SUPT3H: variants seen among roughly 807,000 people sequenced by gnomAD.
SUPT3H encodes the protein SPT3 homolog, SAGA and STAGA complex component.
In SUPT3H, 44 loss-of-function variants were observed where a neutral mutation model predicts 44.3. The observed-to-expected ratio is 0.99, with a 90% CI of 0.78 to 1.28. The LOEUF (loss-of-function observed/expected upper bound fraction) is 1.28. SUPT3H is among the 50% of genes most tolerant of loss of function. The pLI is 0.00. For missense variants in SUPT3H, 380 were observed against 387.1 expected, an observed-to-expected ratio of 0.98 and a Z score of 0.15; for synonymous variants, 124 against 125.6, an observed-to-expected ratio of 0.99 and a Z score of 0.09.
At chr6:45,074,042 T>C (rs1356327475) in intron 3 of SUPT3H, among the ~76,000 whole-genome samples, 2 of 151,946 alleles carry the variant, frequency 1.3e-5, no homozygotes, top group African/African-American at 4.8e-5. Flanking sequence ...GCAATTAAAT[T>C]AAAGGAGGAA....
At chr6:44,955,106 G>A (rs2153474547) in intron 7 of SUPT3H, 1 of 158,164 alleles carries the variant, frequency 6.3e-6, no homozygotes, top group East Asian at 1.9e-4. Context: ...CACATAGCAG[G>A]CAGGATTAAC....
chr6:45,345,444 T>C (rs920886441), intron 2 of SUPT3H, among the ~76,000 whole-genome samples: 1 of 152,132 alleles, frequency 6.6e-6, no homozygotes, highest in African/African-American at 2.4e-5. Flanking sequence ...TTTAGTATTA[T>C]AAATAATTAT....
At chr6:45,064,311 G>A (rs376451156) in intron 3 of SUPT3H, among the ~76,000 whole-genome samples, 209 of 144,248 alleles carry the variant, frequency 1.4e-3, no homozygotes, top group East Asian at 8.5e-3. Flanking sequence ...TGAAGGAAGC[G>A]CTAAACATGG....
intron 2 of SUPT3H, among the ~76,000 whole-genome samples, chr6:45,184,737 T>C (rs756880745): frequency 1.2e-4 from 16 of 133,242 alleles, no homozygotes; most frequent in Non-Finnish European, 2.5e-4. Context: ...AACAGGGTGA[T>C]AGAGAAGACT....
chr6:45,205,637 A>C (rs1763110649), intron 2 of SUPT3H, among the ~76,000 whole-genome samples: 1 of 152,038 alleles, frequency 6.6e-6, no homozygotes, highest in African/African-American at 2.4e-5. Flanking sequence ...TCTCTACTAA[A>C]AATACAAAAA....
At chr6:44,847,217 T>G (rs1772027235) in intron 10 of SUPT3H, among the ~76,000 whole-genome samples, 1 of 152,212 alleles carries the variant, frequency 6.6e-6, no homozygotes, top group Non-Finnish European at 1.5e-5. Context: ...TTCCAATTGC[T>G]GATACAGTTA....
intron 3 of SUPT3H, among the ~76,000 whole-genome samples, chr6:45,092,512 G>C (rs191160387): frequency 6.6e-6 from 1 of 152,096 alleles, no homozygotes; most frequent in African/African-American, 2.4e-5. Flanking sequence ...GCATTTGGGA[G>C]GCTGAGGCGG....
chr6:45,327,213 G>C (rs866087493), intron 2 of SUPT3H, among the ~76,000 whole-genome samples: 2 of 152,052 alleles, frequency 1.3e-5, no homozygotes, highest in Middle Eastern at 3.4e-3. Flanking sequence ...TACTCTGTCT[G>C]TGGGCATTAT....
chr6:45,119,263 C>CT (rs1354089964), intron 2 of SUPT3H, among the ~76,000 whole-genome samples: 2 of 152,158 alleles, frequency 1.3e-5, no homozygotes, highest in African/African-American at 4.8e-5. Context: ...CATAGTCATA[C>CT]TTTTACATGA....
chr6:45,126,048 C>T lies in SUPT3H; in HGVS notation c.102-20042G>A, dbSNP rs115772641. Among the ~76,000 whole-genome samples the T allele has an allele frequency of 5.5e-3, 830 of 152,252 alleles. 12 individuals are homozygous for T. Among genetic ancestry groups the T allele is most frequent in the African/African-American group, 0.019 (773 of 41,542 alleles). ...TGAACCAACAAGCTTCTGCATGTCT[C>T]TGAACTCAGATTTGTGCATTTCAAT... is the stretch of plus-strand genomic sequence containing the variant. On this transcript the variant is annotated intron_variant, in intron 2 of 10. Transcript: ENST00000371459.
chr6:44,886,137 T>C (rs1259173629), intron 10 of SUPT3H, among the ~76,000 whole-genome samples: 2 of 152,204 alleles, frequency 1.3e-5, no homozygotes, highest in East Asian at 3.8e-4. Flanking sequence ...AATCTGAGTC[T>C]GATTGGTGTT....
At chr6:45,282,371 CA>C (rs1778295972) in intron 2 of SUPT3H, among the ~76,000 whole-genome samples, 1 of 151,924 alleles carries the variant, frequency 6.6e-6, no homozygotes, top group African/African-American at 2.4e-5. Flanking sequence ...CTAGAATAAC[CA>C]ATGCAGAGAA....
chr6:45,191,576 A>C (rs190700794), intron 2 of SUPT3H, among the ~76,000 whole-genome samples: 1 of 152,244 alleles, frequency 6.6e-6, no homozygotes, highest in East Asian at 1.9e-4. Flanking sequence ...TAATAATAAC[A>C]TATCAATATT....
chr6:44,852,381 A>C (rs906321367), intron 10 of SUPT3H, among the ~76,000 whole-genome samples: 3 of 152,194 alleles, frequency 2.0e-5, no homozygotes, highest in African/African-American at 4.8e-5. Context: ...TAGAGCTGTG[A>C]ACATATAATA....
chr6:44,851,120 C>A (rs1431254564), intron 10 of SUPT3H, among the ~76,000 whole-genome samples: 1 of 151,972 alleles, frequency 6.6e-6, no homozygotes, highest in African/African-American at 2.4e-5. Context: ...TGTGTAGAGA[C>A]CACAGGAAGG....
At chr6:45,292,225 GACAA>G (rs1780423762) in intron 2 of SUPT3H, among the ~76,000 whole-genome samples, 1 of 151,998 alleles carries the variant, frequency 6.6e-6, no homozygotes, top group South Asian at 2.1e-4. Flanking sequence ...GTCTTTTTCA[GACAA>G]ACAAATGCCG....
intron 2 of SUPT3H, among the ~76,000 whole-genome samples, chr6:45,253,831 A>C (rs112383778): frequency 3.3e-4 from 44 of 132,884 alleles, no homozygotes; most frequent in African/African-American, 1.1e-3. Flanking sequence ...GAAAAAATAC[A>C]CACGTACACA....
At chr6:45,291,390 T>C (rs919535306) in intron 2 of SUPT3H, among the ~76,000 whole-genome samples, 8 of 152,022 alleles carry the variant, frequency 5.3e-5, no homozygotes. Flanking sequence ...AAAACAAGGT[T>C]CTTTAACACC....
intron 10 of SUPT3H, among the ~76,000 whole-genome samples, chr6:44,902,593 A>G (rs1425171415): frequency 1.3e-5 from 2 of 152,114 alleles, no homozygotes; most frequent in African/African-American, 4.8e-5. Context: ...AGACTTTAAC[A>G]CCCCACTGTC....
Sources: gnomAD v4.1 joint callset for allele counts (sites outside exome capture counted in the v4.1 genomes callset) on GRCh38, gnomAD v4.1.1 for gene constraint, MANE v1.5 for transcripts, NCBI Gene and HGNC (gene_info 2026-07-23, HGNC 2026-07-21) for gene names.